ZNF827: variants seen among roughly 807,000 people sequenced by gnomAD.
ZNF827 encodes zinc finger protein 827.
A neutral mutation model predicts 102.4 loss-of-function variants in ZNF827; 13 were observed. That is an observed-to-expected ratio of 0.13 (90% CI 0.08 to 0.20). The LOEUF is 0.20. Among genes scored for constraint, ZNF827 ranks in the 10% least tolerant of loss-of-function variants. ZNF827 has a pLI of 1.00. For missense variants in ZNF827, 1,103 were observed against 1,344.4 expected (o/e 0.82, Z 2.81); for synonymous variants, 523 against 536.2 (o/e 0.98, Z 0.34).
chr4:145,874,003 T>C lies in ZNF827; in HGVS notation c.1748-3525A>G, dbSNP rs185175879. ...TTAAAAACATTTTAAAATTCTAAGATGAAGCTAAGAAAGAGATGAAAAAAA... is the reference window on the plus strand; with the variant it reads ...TTAAAAACATTTTAAAATTCTAAGACGAAGCTAAGAAAGAGATGAAAAAAA... On this transcript the variant is annotated intron_variant, in intron 4 of 14. Coordinates refer to ENST00000508784, the MANE Select transcript of ZNF827 (RefSeq NM_001306215.2). Among the ~76,000 whole-genome samples the C allele has an allele frequency of 1.6e-3, 239 of 151,652 alleles. 1 individual carries two copies. The highest frequency in any genetic ancestry group is 5.7e-3 in the African/African-American group (236 of 41,324).
chr4:145,765,264 G>A lies in ZNF827; in HGVS notation c.3053-99C>T, dbSNP rs777699741. ...CTCCCCACTTCCTCCCGCCTCCTCC[G>A]ACGCCTGACAGCTATACCCTTCCAG... On this transcript the variant is annotated intron_variant, in intron 12 of 14. Transcript: ENST00000508784. This position sits in a 1 kb window ranked among gnomAD's most constrained non-coding sequence, Gnocchi z 4.7. The A allele has an allele frequency of 1.8e-5, 23 of 1,305,290 alleles. No individual in the cohort carries two copies. The highest frequency in any genetic ancestry group is 1.7e-4 in the South Asian group (11 of 65,730). The allele number at this position is 1,305,290 out of a possible 1,614,324, so 80.9% of individuals were successfully genotyped here.
chr4:145,879,204 T>C lies in ZNF827; in HGVS notation c.1747+6474A>G, dbSNP rs113526098. 4.1e-3 allele frequency among the ~76,000 whole-genome samples: 630 copies of C among 152,282 alleles called. 6 individuals are homozygous for C. Among genetic ancestry groups the C allele is most frequent in the African/African-American group, 0.012 (487 of 41,548 alleles). ...CCAGAGCTGAATCCTTGCTCTGTCC[T>C]TTGCAGCCGAAACCTTTAAGTCTCG... On this transcript the variant is annotated intron_variant, in intron 4 of 14. Transcript: ENST00000508784.
At chr4:145,768,469 G>A (rs1735658713) in intron 11 of ZNF827, among the ~76,000 whole-genome samples, 1 of 151,888 alleles carries the variant, frequency 6.6e-6, no homozygotes, top group African/African-American at 2.4e-5. Flanking sequence ...CTGGCCTAAA[G>A]ATGTACATTA....
chr4:145,885,617 AG>A, intron 4 of ZNF827, 60 bp downstream of exon 4: 1 of 390,880 alleles, frequency 2.6e-6, no homozygotes, highest in Admixed American at 1.9e-4. Flanking sequence ...AGACAGAGAG[AG>A]AGAGAGAGAG....
At chr4:145,874,109 C>G (rs1040639360) in intron 4 of ZNF827, among the ~76,000 whole-genome samples, 2 of 151,614 alleles carry the variant, frequency 1.3e-5, no homozygotes, top group African/African-American at 4.8e-5. Context: ...TAAGTGGTTT[C>G]TAGAAGCATT....
At chr4:145,869,032 CA>C (rs772416104) in intron 5 of ZNF827, among the ~76,000 whole-genome samples, 3 of 152,196 alleles carry the variant, frequency 2.0e-5, no homozygotes, top group Non-Finnish European at 4.4e-5. Context: ...GCAAATAGTA[CA>C]ATCTTACTAA....
intron 8 of ZNF827, among the ~76,000 whole-genome samples, chr4:145,796,241 A>G (rs1348284870): frequency 6.6e-6 from 1 of 152,222 alleles, no homozygotes; most frequent in East Asian, 1.9e-4. Flanking sequence ...CACTCTTTCA[A>G]GTACAGAGCT....
intron 8 of ZNF827, among the ~76,000 whole-genome samples, chr4:145,819,496 C>A (rs1560959144): frequency 6.6e-6 from 1 of 152,172 alleles, no homozygotes. Flanking sequence ...TACAGAATCA[C>A]CCACATGCCC....
chr4:145,838,231 T>C (rs1390302232), intron 7 of ZNF827, among the ~76,000 whole-genome samples: 1 of 152,168 alleles, frequency 6.6e-6, no homozygotes, highest in Non-Finnish European at 1.5e-5. Context: ...CCTTAACTGA[T>C]GACATTACCT....
At chr4:145,810,218 C>T (rs1345997667) in intron 8 of ZNF827, among the ~76,000 whole-genome samples, 1 of 152,086 alleles carries the variant, frequency 6.6e-6, no homozygotes. Flanking sequence ...TTTATAGTTT[C>T]ACAAACTGTA....
At chr4:145,927,562 C>T (rs574828878) in intron 1 of ZNF827, among the ~76,000 whole-genome samples, 26 of 152,250 alleles carry the variant, frequency 1.7e-4, no homozygotes, top group African/African-American at 6.3e-4. Flanking sequence ...GGGGCCATCA[C>T]GTTCCATCAA....
At chr4:145,799,480 C>T (rs1740677396) in intron 8 of ZNF827, among the ~76,000 whole-genome samples, 1 of 152,198 alleles carries the variant, frequency 6.6e-6, no homozygotes. Context: ...ATCACAGACA[C>T]TGTCACAGTC....
chr4:145,877,696 C>T (rs1749261175), intron 4 of ZNF827, among the ~76,000 whole-genome samples: 1 of 152,080 alleles, frequency 6.6e-6, no homozygotes, highest in African/African-American at 2.4e-5. Flanking sequence ...TCAAAGATAA[C>T]AAAAAGTGAG....
At chr4:145,898,221 C>T (rs1239396696) in intron 2 of ZNF827, among the ~76,000 whole-genome samples, 1 of 152,128 alleles carries the variant, frequency 6.6e-6, no homozygotes, top group Non-Finnish European at 1.5e-5. Flanking sequence ...TCTCCCTCTC[C>T]GGACTTTGTA....
At chr4:145,856,295 C>T (rs1747099295) in intron 5 of ZNF827, among the ~76,000 whole-genome samples, 1 of 152,126 alleles carries the variant, frequency 6.6e-6, no homozygotes, top group African/African-American at 2.4e-5. Flanking sequence ...GTGTCTCCAG[C>T]CAAGACAAGT....
intron 8 of ZNF827, among the ~76,000 whole-genome samples, chr4:145,818,874 A>G (rs964812744): frequency 2.0e-5 from 3 of 152,234 alleles, no homozygotes; most frequent in Admixed American, 1.3e-4. Flanking sequence ...GACACAGTAT[A>G]TTAGATTGAT....
At chr4:145,856,610 C>T (rs1397694855) in intron 5 of ZNF827, among the ~76,000 whole-genome samples, 1 of 151,612 alleles carries the variant, frequency 6.6e-6, no homozygotes, top group Non-Finnish European at 1.5e-5. Flanking sequence ...CTTTAGTTAT[C>T]CTCAATATAT....
In ZNF827 at chr4:145,760,719, G is replaced by A; in HGVS notation, c.*897C>T. 1 of 845,948 alleles carries A rather than the reference G, an allele frequency of 1.2e-6. No individual in the cohort carries two copies. Among genetic ancestry groups the A allele is most frequent in the Non-Finnish European group, 1.4e-6 (1 of 710,910 alleles). 52.4% of individuals were successfully genotyped at this position (845,948 alleles called of 1,614,324 possible). A position where few individuals can be genotyped will look rare whatever the true frequency, so the allele number is the denominator to read the frequency against. The stretch of plus-strand genomic sequence containing the variant: ...TGCTGGGGTTGTGTTTAAGTTTTGT[G>A]GTTTTTTTTTTTTTTTTTGTCTTTT... On this transcript the variant is annotated 3_prime_UTR_variant, in exon 15 of 15. Transcript: ENST00000508784.
chr4:145,921,665 G>A (rs1381798004), intron 1 of ZNF827, among the ~76,000 whole-genome samples: 1 of 152,048 alleles, frequency 6.6e-6, no homozygotes, highest in African/African-American at 2.4e-5. Context: ...GGTGGCATTT[G>A]GATTACACTC....
Sources: gnomAD v4.1 joint callset for allele counts (sites outside exome capture counted in the v4.1 genomes callset) on GRCh38, gnomAD v4.1.1 for gene constraint, Gnocchi (gnomAD v3.1) non-coding constraint, MANE v1.5 for transcripts, NCBI Gene and HGNC (gene_info 2026-07-23, HGNC 2026-07-21) for gene names.